Variants in STX8 observed in about 807,000 individuals in gnomAD.
STX8 encodes syntaxin-8.
A neutral mutation model predicts 37.5 loss-of-function variants in STX8; 23 were observed. The ratio of observed to expected loss-of-function variants is 0.61; its 90% CI spans 0.44 to 0.87. STX8 has a LOEUF of 0.87. STX8 is among the 40% of genes least tolerant of loss of function. The pLI, the probability that STX8 is intolerant of heterozygous loss-of-function variation, is 0.00. For missense variants in STX8, 313 were observed against 284.7 expected, an observed-to-expected ratio of 1.10 and a Z score of -0.71; for synonymous variants, 115 against 99.1, an observed-to-expected ratio of 1.16 and a Z score of -0.95.
chr17:9,407,562 TG>T (rs1440120513), intron 6 of STX8, among the ~76,000 whole-genome samples: 2 of 151,570 alleles, frequency 1.3e-5, no homozygotes, highest in Non-Finnish European at 2.9e-5. Context: ...GTGCCCAAGG[TG>T]GTTGGGGTGC....
chr17:9,358,503 G>A (rs565384977), intron 7 of STX8, among the ~76,000 whole-genome samples: 3 of 152,184 alleles, frequency 2.0e-5, no homozygotes, highest in Non-Finnish European at 4.4e-5. Context: ...AAGAGGATGC[G>A]GCAGAATGTA....
intron 4 of STX8, among the ~76,000 whole-genome samples, chr17:9,509,820 T>G (rs901930578): frequency 7.9e-6 from 1 of 126,244 alleles, no homozygotes; most frequent in South Asian, 3.1e-4. Context: ...TTAAAAGACA[T>G]AGACTGGATA....
intron 7 of STX8, among the ~76,000 whole-genome samples, chr17:9,294,311 G>T (rs1206645362): frequency 2.6e-5 from 4 of 152,344 alleles, no homozygotes; most frequent in African/African-American, 7.2e-5. Flanking sequence ...AAGAGGAAGA[G>T]AACTCGTATT....
rs1361048219 is a variant in STX8 at position 9,414,156 on chromosome 17, A to ATCCG, written c.542-35504_542-35503insCGGA. ...CATCCATCCATCCATCCATCCATCC[A>ATCCG]TGAAAGCAAATGCCAGCATCCAAGA... On this transcript the variant is annotated intron_variant, in intron 6 of 7. Coordinates refer to ENST00000306357, the MANE Select transcript of STX8 (RefSeq NM_004853.3). Among the ~76,000 whole-genome samples, 193 of 64,354 alleles carry ATCCG rather than the reference A, an allele frequency of 3.0e-3. 30 individuals are homozygous for ATCCG. Among genetic ancestry groups the ATCCG allele is most frequent in the African/African-American group, 7.1e-3 (182 of 25,480 alleles). 42.2% of individuals were successfully genotyped at this position (64,354 alleles called of 152,430 possible).
At chr17:9,575,675 G>T in intron 1 of STX8, 117 bp downstream of exon 1, 1 of 1,276,654 alleles carries the variant, frequency 7.8e-7, no homozygotes, top group Non-Finnish European at 1.1e-6. Flanking sequence ...AGGTCTCGCT[G>T]CCCCTCCCCT....
At chr17:9,274,278 T>C (rs1224774706) in intron 7 of STX8, among the ~76,000 whole-genome samples, 1 of 152,138 alleles carries the variant, frequency 6.6e-6, no homozygotes, top group African/African-American at 2.4e-5. Flanking sequence ...TGGAAAGGAT[T>C]TGATCATCAG....
At chr17:9,279,671 C>T (rs1383580364) in intron 7 of STX8, among the ~76,000 whole-genome samples, 1 of 152,152 alleles carries the variant, frequency 6.6e-6, no homozygotes, top group African/African-American at 2.4e-5. Flanking sequence ...ACTGTCTTCC[C>T]TGCTACAGAA....
intron 7 of STX8, among the ~76,000 whole-genome samples, chr17:9,349,758 T>A (rs577850224): frequency 2.6e-4 from 40 of 152,158 alleles, no homozygotes; most frequent in Non-Finnish European, 5.1e-4. Context: ...TCTCAACAGA[T>A]CTGACTGTAC....
intron 4 of STX8, among the ~76,000 whole-genome samples, chr17:9,519,432 T>C (rs1905261341): frequency 6.6e-6 from 1 of 152,082 alleles, no homozygotes; most frequent in Non-Finnish European, 1.5e-5. Context: ...GAGATGGTTC[T>C]CACATCCAAG....
At chr17:9,290,608 G>T (rs1464527247) in intron 7 of STX8, among the ~76,000 whole-genome samples, 1 of 152,198 alleles carries the variant, frequency 6.6e-6, no homozygotes, top group Non-Finnish European at 1.5e-5. Context: ...ATCACATCTT[G>T]CTACAGTATA....
intron 2 of STX8, among the ~76,000 whole-genome samples, chr17:9,563,332 G>A (rs777701520): frequency 2.6e-5 from 4 of 151,798 alleles, no homozygotes; most frequent in Non-Finnish European, 5.9e-5. Flanking sequence ...ACAGGTGCTC[G>A]CCACCACACC....
At chr17:9,368,587 G>A (rs1013930167) in intron 7 of STX8, among the ~76,000 whole-genome samples, 14 of 152,048 alleles carry the variant, frequency 9.2e-5, no homozygotes, top group Admixed American at 2.6e-4. Context: ...CACCAATGGT[G>A]ACCACGTGCC....
At chr17:9,486,527 T>C (rs899632881) in intron 6 of STX8, among the ~76,000 whole-genome samples, 1 of 152,126 alleles carries the variant, frequency 6.6e-6, no homozygotes, top group African/African-American at 2.4e-5. Flanking sequence ...AGAACATCAA[T>C]TCTGTTCATT....
chr17:9,325,710 G>A (rs1478468250), intron 7 of STX8, among the ~76,000 whole-genome samples: 1 of 152,256 alleles, frequency 6.6e-6, no homozygotes, highest in South Asian at 2.1e-4. Flanking sequence ...CTGGAAGTTT[G>A]CAGTGAACAT....
At chr17:9,460,685 A>AAC (rs1450076780) in intron 6 of STX8, among the ~76,000 whole-genome samples, 2 of 142,344 alleles carry the variant, frequency 1.4e-5, no homozygotes, top group African/African-American at 3.0e-5. Flanking sequence ...AAAAAAAAAA[A>AAC]AAACAAAACA....
chr17:9,309,542 TC>T (rs1371730980), intron 7 of STX8, among the ~76,000 whole-genome samples: 7 of 152,134 alleles, frequency 4.6e-5, no homozygotes, highest in African/African-American at 1.7e-4. Context: ...TCTGGGAAAT[TC>T]ATCCCCCTAA....
At chr17:9,415,953 T>C (rs1597657520) in intron 6 of STX8, among the ~76,000 whole-genome samples, 1 of 152,222 alleles carries the variant, frequency 6.6e-6, no homozygotes, top group African/African-American at 2.4e-5. Context: ...TCTCACGTCT[T>C]TGCCCTGGCT....
At chr17:9,396,397 A>AT (rs1176629276) in intron 6 of STX8, among the ~76,000 whole-genome samples, 2 of 151,906 alleles carry the variant, frequency 1.3e-5, no homozygotes, top group East Asian at 3.9e-4. Context: ...AAAATACTCT[A>AT]TATGGGCCGG....
intron 6 of STX8, among the ~76,000 whole-genome samples, chr17:9,402,075 G>T (rs891749928): frequency 2.0e-5 from 3 of 151,548 alleles, no homozygotes; most frequent in Non-Finnish European, 4.4e-5. Context: ...TTATATGTAC[G>T]TTTTCAATAG....
Sources: gnomAD v4.1 joint callset for allele counts (sites outside exome capture counted in the v4.1 genomes callset) on GRCh38, gnomAD v4.1.1 for gene constraint, MANE v1.5 for transcripts, NCBI Gene and HGNC (gene_info 2026-07-23, HGNC 2026-07-21) for gene names.